The following CNTN4 variants were observed in gnomAD, a reference collection of about 807,000 sequenced individuals.
CNTN4 encodes the protein contactin-4.
Under a neutral mutation model 122.5 loss-of-function variants are expected in CNTN4, and 77 were observed. That is an observed-to-expected ratio of 0.63 (90% CI 0.52 to 0.76). The LOEUF (loss-of-function observed/expected upper bound fraction) is 0.76, where lower values mean the gene tolerates loss of function less well. Ranked by LOEUF, CNTN4 falls within the 30% of genes least tolerant of loss-of-function variation. The pLI is 0.00. For synonymous variants in CNTN4, 512 were observed against 447.0 expected, an observed-to-expected ratio of 1.15 and a Z score of -1.83; for missense variants, 1,256 against 1,259.1, an observed-to-expected ratio of 1.00 and a Z score of 0.04.
At chr3:2,222,062 G>T (rs1183759833) in intron 2 of CNTN4, among the ~76,000 whole-genome samples, 2 of 152,062 alleles carry the variant, frequency 1.3e-5, no homozygotes, top group Non-Finnish European at 2.9e-5. Flanking sequence ...ATACCCAAGA[G>T]AAATGAAAAC....
At chr3:2,805,451 C>T (rs988534882) in intron 6 of CNTN4, among the ~76,000 whole-genome samples, 4 of 152,134 alleles carry the variant, frequency 2.6e-5, no homozygotes, top group Non-Finnish European at 2.9e-5. Context: ...CAGGCCAGTG[C>T]TCTGACATGG....
intron 2 of CNTN4, among the ~76,000 whole-genome samples, chr3:2,163,441 G>C (rs1316996875): frequency 1.3e-5 from 2 of 152,070 alleles, no homozygotes; most frequent in African/African-American, 4.8e-5. Context: ...TATTGGCTTA[G>C]GGAAAGAATT....
At chr3:2,907,150 GTTCC>G (rs1356872883) in intron 12 of CNTN4, among the ~76,000 whole-genome samples, 9 of 152,262 alleles carry the variant, frequency 5.9e-5, no homozygotes, top group African/African-American at 2.2e-4. Flanking sequence ...AAGTCACTTT[GTTCC>G]TTATATAGCA....
At chr3:2,125,362 GTGTA>G (rs895718336) in intron 2 of CNTN4, among the ~76,000 whole-genome samples, 5 of 150,640 alleles carry the variant, frequency 3.3e-5, no homozygotes, top group Admixed American at 6.6e-5. Context: ...GTGTGTGTGT[GTGTA>G]TAACATGCCA....
chr3:2,597,563 G>C (rs1000222900), intron 4 of CNTN4, among the ~76,000 whole-genome samples: 9 of 152,104 alleles, frequency 5.9e-5, no homozygotes. Context: ...CTGTAACCCA[G>C]CTGTTCCCCA....
intron 4 of CNTN4, among the ~76,000 whole-genome samples, chr3:2,629,283 T>G (rs1192296255): frequency 6.6e-6 from 1 of 152,180 alleles, no homozygotes; most frequent in African/African-American, 2.4e-5. Context: ...AAACCAATCC[T>G]GTTGGCACCT....
At chr3:2,287,661 GAAGAA>G (rs1559415364) in intron 2 of CNTN4, among the ~76,000 whole-genome samples, 16 of 36,440 alleles carry the variant, frequency 4.4e-4, no homozygotes, top group African/African-American at 1.3e-3. Flanking sequence ...AGAAGAAGAA[GAAGAA>G]GAAGAAGAAG....
At chr3:2,919,533 T>A (rs900399609) in intron 12 of CNTN4, among the ~76,000 whole-genome samples, 1 of 152,180 alleles carries the variant, frequency 6.6e-6, no homozygotes, top group Non-Finnish European at 1.5e-5. Flanking sequence ...TAATAGCTAA[T>A]AACAAGAGCT....
chr3:2,433,945 A>T (rs1035168837), intron 3 of CNTN4, among the ~76,000 whole-genome samples: 12 of 152,150 alleles, frequency 7.9e-5, no homozygotes, highest in African/African-American at 2.9e-4. Flanking sequence ...TGCATGTGGA[A>T]TTTTACAAAG....
Position 2,224,488 on chromosome 3 carries a change from A to G in CNTN4, c.-144-114690A>G, listed in dbSNP as rs535349117. On this transcript the variant is annotated intron_variant, in intron 2 of 24. Transcript: ENST00000418658. The stretch of plus-strand genomic sequence containing the variant: ...TTGCACATGAGTTCCTCCAAATTCT[A>G]CCTGGGTCCTTTCCCCTTATTATTC... 4.1e-4 allele frequency among the ~76,000 whole-genome samples: 63 copies of G among 152,050 alleles called. 1 individual carries two copies. Among genetic ancestry groups the G allele is most frequent in the Non-Finnish European group, 7.9e-4 (54 of 68,000 alleles).
intron 4 of CNTN4, among the ~76,000 whole-genome samples, chr3:2,699,611 A>G (rs927389320): frequency 1.3e-5 from 2 of 152,158 alleles, no homozygotes; most frequent in African/African-American, 2.4e-5. Flanking sequence ...GTTGTCAGGG[A>G]GCGCTTAGTG....
intron 4 of CNTN4, among the ~76,000 whole-genome samples, chr3:2,612,158 T>C (rs957272508): frequency 6.6e-6 from 1 of 151,650 alleles, no homozygotes; most frequent in African/African-American, 2.4e-5. Flanking sequence ...GAGATACTTT[T>C]TGACTTACAA....
chr3:2,683,983 G>A (rs1382542279), intron 4 of CNTN4, among the ~76,000 whole-genome samples: 6 of 152,104 alleles, frequency 3.9e-5, no homozygotes, highest in Non-Finnish European at 8.8e-5. Flanking sequence ...TTTGAGAAAG[G>A]TGTTTACCTA....
chr3:2,711,934 A>G (rs1043494432), intron 4 of CNTN4, among the ~76,000 whole-genome samples: 5 of 152,198 alleles, frequency 3.3e-5, no homozygotes, highest in African/African-American at 4.8e-5. Flanking sequence ...ATATGCAACA[A>G]TTTTTTTAAA....
chr3:2,534,403 A>G (rs1260499773), intron 3 of CNTN4, among the ~76,000 whole-genome samples: 4 of 152,090 alleles, frequency 2.6e-5, no homozygotes, highest in African/African-American at 9.7e-5. Flanking sequence ...TTTGTCAAAG[A>G]TGTGTGGTAT....
rs79764731 is a variant in CNTN4, at chr3:2,413,091, T to A, written c.-89+73858T>A. ...CCATATGATTCTACATACATATGCA[T>A]CGTTAAAATGTACTATGTAGATTAG... On this transcript the variant is annotated intron_variant, in intron 3 of 24. Coordinates refer to ENST00000418658, the MANE Select transcript of CNTN4 (RefSeq NM_175607.3). Among the ~76,000 whole-genome samples the A allele has an allele frequency of 8.0e-3, 1,216 of 152,296 alleles. 9 individuals are homozygous for A. Among genetic ancestry groups the A allele is most frequent in the African/African-American group, 0.028 (1,158 of 41,562 alleles).
chr3:2,839,215 A>G (rs889425350), intron 7 of CNTN4, among the ~76,000 whole-genome samples: 3 of 152,226 alleles, frequency 2.0e-5, no homozygotes, highest in African/African-American at 4.8e-5. Flanking sequence ...GCCATATGAT[A>G]TAATAGCTAA....
intron 4 of CNTN4, among the ~76,000 whole-genome samples, chr3:2,669,071 G>T (rs1254271096): frequency 6.6e-6 from 1 of 152,108 alleles, no homozygotes; most frequent in Non-Finnish European, 1.5e-5. Flanking sequence ...TTGTGTCTCT[G>T]CCAGGCTTTG....
intron 2 of CNTN4, among the ~76,000 whole-genome samples, chr3:2,112,594 G>A (rs2033046301): frequency 6.6e-6 from 1 of 151,998 alleles, no homozygotes; most frequent in South Asian, 2.1e-4. Flanking sequence ...TTTCATCTTT[G>A]TATGTTGGTT....
Sources: allele counts gnomAD v4.1 joint callset (sites outside exome capture counted in the v4.1 genomes callset), GRCh38; gene constraint gnomAD v4.1.1; transcripts MANE v1.5; gene names NCBI Gene and HGNC (gene_info 2026-07-23, HGNC 2026-07-21).